SLC22A9: variants seen among roughly 807,000 people sequenced by gnomAD.
The protein encoded by SLC22A9 is solute carrier family 22 member 9.
Under a neutral mutation model 50.1 loss-of-function variants are expected in SLC22A9, and 64 were observed. That is an observed-to-expected ratio of 1.28 (90% CI 1.04 to 1.57). The LOEUF (loss-of-function observed/expected upper bound fraction) is 1.57. Ranked by LOEUF, SLC22A9 falls within the 40% of genes most tolerant of loss-of-function variation. SLC22A9 has a pLI of 0.00. For synonymous variants in SLC22A9, 261 were observed against 242.5 expected (o/e 1.08, Z -0.71); for missense variants, 757 against 676.1 (o/e 1.12, Z -1.33).
intron 1 of SLC22A9, among the ~76,000 whole-genome samples, 199 bp downstream of exon 1, chr11:63,370,657 A>G (rs2014338746): frequency 6.6e-6 from 1 of 152,196 alleles, no homozygotes; most frequent in Admixed American, 6.5e-5. Flanking sequence ...GCATCCTGCT[A>G]TTATAATGCT....
At position 63,406,656 on chromosome 11, in the gene SLC22A9, G is replaced by T; in HGVS notation, c.1233G>T (p.Met411Ile). 6.2e-7 allele frequency: 1 copy of T among 1,613,762 alleles called. No individual in the cohort carries two copies. Among genetic ancestry groups the T allele is most frequent in the Non-Finnish European group, 8.5e-7 (1 of 1,179,824 alleles). ...LKYMNRRASQ[M>I]LLMFLLAICL... ...ACATGAACCGTCGAGCAAGCCAGAT[G>T]CTTCTCATGTTCCTACTGGCAATCT... is the stretch of plus-strand genomic sequence containing the variant. The change falls in exon 7 of 10, where the codon ATG (methionine) becomes ATT (isoleucine). Residue 411 changes from methionine to isoleucine, a missense_variant. Transcript: ENST00000279178.
chr11:63,381,448 T>A (rs747589927), intron 5 of SLC22A9, among the ~76,000 whole-genome samples: 5 of 152,122 alleles, frequency 3.3e-5, no homozygotes, highest in Non-Finnish European at 7.4e-5. Flanking sequence ...AAACCTAACC[T>A]GGTAAATATA....
chr11:63,373,880 GT>G lies in SLC22A9; in HGVS notation c.662-8del. On this transcript the variant is annotated splice_polypyrimidine_tract_variant and intron_variant, in intron 3 of 9. Transcript: ENST00000279178. Reference sequence around the variant, plus strand: ...CACCTTTGAAGTCAAAGCCTTATCTGTTTTTTCTTCCAGTAGCCGAGTGGGC... The same window carrying G: ...CACCTTTGAAGTCAAAGCCTTATCTGTTTTTCTTCCAGTAGCCGAGTGGGC... The G allele has an allele frequency of 1.9e-6, 3 of 1,611,622 alleles. No homozygotes were observed. In the South Asian group the frequency reaches 3.3e-5, roughly 18 times the overall value.
chr11:63,383,161 T>C (rs956269683), intron 6 of SLC22A9, among the ~76,000 whole-genome samples: 14 of 152,150 alleles, frequency 9.2e-5, no homozygotes, highest in African/African-American at 3.4e-4. Flanking sequence ...AAAAATAAGA[T>C]GGGCAATTTT....
chr11:63,391,752 C>T (rs1342793426), intron 6 of SLC22A9, among the ~76,000 whole-genome samples: 1 of 151,788 alleles, frequency 6.6e-6, no homozygotes, highest in Admixed American at 6.6e-5. Context: ...GTTCTTAATC[C>T]ATTCAGGAAC....
At chr11:63,408,949 A>G (rs1166977432) in intron 9 of SLC22A9, 70 bp downstream of exon 9, 2 of 1,499,542 alleles carry the variant, frequency 1.3e-6, no homozygotes, top group Non-Finnish European at 1.9e-6. Context: ...AAGGCAAAAT[A>G]CCATTTAGGG....
chr11:63,372,677 T>C (rs2014383370), intron 2 of SLC22A9, among the ~76,000 whole-genome samples: 1 of 152,158 alleles, frequency 6.6e-6, no homozygotes, highest in South Asian at 2.1e-4. Context: ...TTAATTAAGG[T>C]AGACTTTTGT....
At position 63,370,279 on chromosome 11, in the gene SLC22A9, A is replaced by C. The variant is rs2119848543; in HGVS notation, c.223A>C (p.Ile75Leu). 6.2e-7 allele frequency: 1 copy of C among 1,614,062 alleles called. No individual in the cohort carries two copies. Among genetic ancestry groups the C allele is most frequent in the South Asian group, 1.1e-5 (1 of 91,076 alleles). Residue 75 changes from isoleucine to leucine, a missense_variant, in exon 1 of 10, where the codon ATC becomes CTC. Ile to Leu is a conservative substitution (Grantham distance 5). Transcript: ENST00000279178. ...CCTCAGCCAAGATGCACTCTTGAGAATCTCCATCCCACTGGACTCAAACAT... is the reference window on the plus strand; with the variant it reads ...CCTCAGCCAAGATGCACTCTTGAGACTCTCCATCCCACTGGACTCAAACAT... ...GALSQDALLR[I>L]SIPLDSNMRP...
At chr11:63,381,480 C>T in intron 5 of SLC22A9, among the ~76,000 whole-genome samples, 1 of 152,040 alleles carries the variant, frequency 6.6e-6, no homozygotes, top group South Asian at 2.1e-4. Context: ...AGAAAGCAGG[C>T]CTGAATATGA....
chr11:63,377,929 G>A (rs576328), intron 5 of SLC22A9, among the ~76,000 whole-genome samples: 34 of 152,144 alleles, frequency 2.2e-4, no homozygotes, highest in African/African-American at 7.7e-4. Flanking sequence ...GCCTCTATGC[G>A]CAGAAACTAG....
At chr11:63,387,735 C>T (rs982425304) in intron 6 of SLC22A9, among the ~76,000 whole-genome samples, 1 of 152,042 alleles carries the variant, frequency 6.6e-6, no homozygotes, top group African/African-American at 2.4e-5. Context: ...CGGTAGATTG[C>T]TTTGGGTAGT....
Position 63,373,683 on chromosome 11 carries a change from G to A in SLC22A9, c.546G>A (p.Gln182=). ...RRFVLRWCYL[Q]VAIVGTCAAL... is the part of the protein sequence containing the mutation. ...TCGTGCTCAGATGGTGTTACCTCCAGGTTGCCATTGTTGGCACCTGTGCAG... is the reference window on the plus strand; with the variant it reads ...TCGTGCTCAGATGGTGTTACCTCCAAGTTGCCATTGTTGGCACCTGTGCAG... The change falls in exon 3 of 10, where the codon CAG becomes CAA. Residue 182 remains glutamine, a synonymous_variant. Coordinates refer to ENST00000279178, the MANE Select transcript of SLC22A9 (RefSeq NM_080866.3). The A allele has an allele frequency of 6.2e-7, 1 of 1,603,462 alleles. No individual in the cohort carries two copies. The highest frequency in any genetic ancestry group is 8.5e-7 in the Non-Finnish European group (1 of 1,176,134).
chr11:63,401,775 T>G (rs2014955744), intron 6 of SLC22A9, among the ~76,000 whole-genome samples: 1 of 152,110 alleles, frequency 6.6e-6, no homozygotes, highest in Non-Finnish European at 1.5e-5. Flanking sequence ...CATGTTGATT[T>G]TTGACTTTTT....
chr11:63,408,301 A>C, intron 8 of SLC22A9, 81 bp downstream of exon 8: 1 of 1,064,738 alleles, frequency 9.4e-7, no homozygotes. Flanking sequence ...GAAGAAATCT[A>C]AGACTGGTTC....
chr11:63,409,767 G>A lies in SLC22A9; in HGVS notation c.1602-35G>A, dbSNP rs912480620. On this transcript the variant is annotated intron_variant, in intron 9 of 9. Coordinates refer to ENST00000279178, the MANE Select transcript of SLC22A9 (RefSeq NM_080866.3). ...GTTTAGTCCATGTCTTTTCATTTTTGTGATTTTTTGTTGGTTTCTTTGTAT... is the reference window on the plus strand; with the variant it reads ...GTTTAGTCCATGTCTTTTCATTTTTATGATTTTTTGTTGGTTTCTTTGTAT... 7 of 1,578,598 alleles carry A rather than the reference G, an allele frequency of 4.4e-6. No individual in the cohort carries two copies. In the African/African-American group the frequency reaches 1.1e-4, roughly 25 times the overall value.
intron 6 of SLC22A9, among the ~76,000 whole-genome samples, chr11:63,396,573 C>T (rs561970004): frequency 4.6e-5 from 7 of 152,262 alleles, no homozygotes; most frequent in Middle Eastern, 6.8e-3. Flanking sequence ...GAGCAGTCGG[C>T]TTCCTCCAAA....
intron 6 of SLC22A9, among the ~76,000 whole-genome samples, chr11:63,406,143 T>C (rs559384406): frequency 6.6e-6 from 1 of 152,266 alleles, no homozygotes; most frequent in South Asian, 2.1e-4. Flanking sequence ...TTGTAGGTAG[T>C]ATTATACTTT....
chr11:63,395,585 G>A (rs1006290205), intron 6 of SLC22A9, among the ~76,000 whole-genome samples: 7 of 152,070 alleles, frequency 4.6e-5, no homozygotes, highest in South Asian at 4.1e-4. Context: ...TTGGTCTCTC[G>A]GCCATGGATA....
At chr11:63,392,467 G>A (rs1591022455) in intron 6 of SLC22A9, among the ~76,000 whole-genome samples, 1 of 151,872 alleles carries the variant, frequency 6.6e-6, no homozygotes, top group South Asian at 2.1e-4. Context: ...TCATGTTTGA[G>A]GCTATTTTTT....
Sources: allele counts gnomAD v4.1 joint callset (sites outside exome capture counted in the v4.1 genomes callset), GRCh38; gene constraint gnomAD v4.1.1; transcripts MANE v1.5; gene names NCBI Gene and HGNC (gene_info 2026-07-23, HGNC 2026-07-21).